Variants in ADK observed in about 807,000 individuals in gnomAD.
ADK encodes N6,N6-dimethyladenosine kinase.
Under a neutral mutation model 44.7 loss-of-function variants are expected in ADK, and 24 were observed. That is an observed-to-expected ratio of 0.54 (90% CI 0.39 to 0.76). The LOEUF (loss-of-function observed/expected upper bound fraction) is 0.76, where lower values mean the gene tolerates loss of function less well. Ranked by LOEUF, ADK falls within the 30% of genes least tolerant of loss-of-function variation. The pLI is 0.00. For missense variants in ADK, 321 were observed against 425.1 expected, an observed-to-expected ratio of 0.76 and a Z score of 2.15; for synonymous variants, 128 against 142.6, an observed-to-expected ratio of 0.90 and a Z score of 0.73.
intron 3 of ADK, among the ~76,000 whole-genome samples, chr10:74,241,242 C>G (rs550837823): frequency 6.6e-6 from 1 of 152,292 alleles, no homozygotes; most frequent in Admixed American, 6.5e-5. Context: ...TAGGTTCATT[C>G]ACAGCAAAAT....
chr10:74,193,324 T>C (rs1033614566), intron 1 of ADK, among the ~76,000 whole-genome samples: 22 of 152,170 alleles, frequency 1.4e-4, no homozygotes, highest in Admixed American at 1.4e-3. Context: ...TATGTATACA[T>C]GTGCCATGTT....
At chr10:74,396,605 TC>T (rs1843518144) in intron 5 of ADK, among the ~76,000 whole-genome samples, 1 of 152,186 alleles carries the variant, frequency 6.6e-6, no homozygotes, top group Non-Finnish European at 1.5e-5. Context: ...TCTTTCTTGA[TC>T]CAGGTTCTTC....
chr10:74,427,639 G>C (rs1037056689), intron 6 of ADK, among the ~76,000 whole-genome samples: 3 of 152,100 alleles, frequency 2.0e-5, no homozygotes, highest in Non-Finnish European at 2.9e-5. Flanking sequence ...AGAGGAATTG[G>C]ATTGGAGGTG....
At chr10:74,369,521 A>G (rs1453270593) in intron 4 of ADK, among the ~76,000 whole-genome samples, 2 of 152,230 alleles carry the variant, frequency 1.3e-5, no homozygotes, top group African/African-American at 4.8e-5. Flanking sequence ...TTCACCTAAA[A>G]TAATGATTAA....
chr10:74,266,393 C>A (rs1351482162), intron 3 of ADK, among the ~76,000 whole-genome samples: 1 of 152,038 alleles, frequency 6.6e-6, no homozygotes, highest in Non-Finnish European at 1.5e-5. Context: ...CCCGTCTCTA[C>A]TAAAAATACA....
At chr10:74,541,480 C>T (rs1332290123) in intron 7 of ADK, among the ~76,000 whole-genome samples, 5 of 152,136 alleles carry the variant, frequency 3.3e-5, no homozygotes, top group South Asian at 2.1e-4. Flanking sequence ...AATGGTTCTT[C>T]AGTCTTTGTC....
At chr10:74,323,797 C>T (rs1313641019) in intron 4 of ADK, among the ~76,000 whole-genome samples, 1 of 152,100 alleles carries the variant, frequency 6.6e-6, no homozygotes, top group African/African-American at 2.4e-5. Flanking sequence ...GTCTCTATCT[C>T]CTGACCTTGT....
At chr10:74,585,940 A>G (rs571162184) in intron 7 of ADK, among the ~76,000 whole-genome samples, 1 of 152,312 alleles carries the variant, frequency 6.6e-6, no homozygotes, top group East Asian at 1.9e-4. Context: ...TATCTCTGAT[A>G]TTTGGAACCT....
rs578139160 is a variant in ADK at position 74,346,166 on chromosome 10, A to G, written c.273+31421A>G. 2.6e-5 allele frequency among the ~76,000 whole-genome samples: 4 copies of G among 152,354 alleles called. No individual in the cohort carries two copies. In the East Asian group the frequency reaches 5.8e-4, roughly 22 times the overall value. On this transcript the variant is annotated intron_variant, in intron 4 of 10. Coordinates refer to ENST00000539909, the MANE Select transcript of ADK (RefSeq NM_006721.4). ...CTCAGCCTCCCAAAGTGCTGGAAGT[A>G]CAAGTATGAGCCACTGCGCCTGGCC...
At chr10:74,384,353 C>G (rs969021938) in intron 4 of ADK, among the ~76,000 whole-genome samples, 1 of 152,076 alleles carries the variant, frequency 6.6e-6, no homozygotes, top group Non-Finnish European at 1.5e-5. Context: ...AGGAATGATA[C>G]AGTTTGTTGC....
intron 2 of ADK, among the ~76,000 whole-genome samples, chr10:74,206,614 T>C (rs1306401513): frequency 6.6e-6 from 1 of 152,220 alleles, no homozygotes; most frequent in African/African-American, 2.4e-5. Context: ...ATTTATATGA[T>C]TAGCTTTCAC....
intron 4 of ADK, among the ~76,000 whole-genome samples, chr10:74,382,868 G>T (rs1196348101): frequency 6.6e-6 from 1 of 151,790 alleles, no homozygotes; most frequent in African/African-American, 2.4e-5. Flanking sequence ...GGCCTAGACC[G>T]TGTTAGTCAC....
chr10:74,708,153 G>A (rs1345522083), intron 10 of ADK, among the ~76,000 whole-genome samples, 168 bp from the exon 11 acceptor site: 48 of 132,698 alleles, frequency 3.6e-4, no homozygotes, highest in South Asian at 1.2e-3. Context: ...CCATCTCGGG[G>A]AAAAAAAAAA....
intron 3 of ADK, among the ~76,000 whole-genome samples, chr10:74,272,914 T>A (rs911027739): frequency 6.6e-6 from 1 of 152,226 alleles, no homozygotes. Context: ...GTCCTTATAC[T>A]GCAGATCCTC....
chr10:74,305,225 G>A (rs970432638), intron 3 of ADK, among the ~76,000 whole-genome samples: 1 of 152,172 alleles, frequency 6.6e-6, no homozygotes, highest in African/African-American at 2.4e-5. Context: ...ATCCATGGAT[G>A]TGGAACATAC....
At chr10:74,485,643 G>C (rs1047260933) in intron 6 of ADK, among the ~76,000 whole-genome samples, 4 of 151,988 alleles carry the variant, frequency 2.6e-5, no homozygotes, top group African/African-American at 9.7e-5. Flanking sequence ...CACACTTGAA[G>C]ATACAAATTC....
intron 6 of ADK, among the ~76,000 whole-genome samples, chr10:74,416,017 C>A (rs1844357029): frequency 7.9e-6 from 1 of 126,636 alleles, no homozygotes; most frequent in Admixed American, 9.0e-5. Flanking sequence ...TTTATATATA[C>A]ACACACATAC....
intron 7 of ADK, among the ~76,000 whole-genome samples, chr10:74,573,801 C>A (rs1433763992): frequency 1.3e-5 from 2 of 152,224 alleles, no homozygotes; most frequent in Admixed American, 1.3e-4. Flanking sequence ...GGCGTAGGAC[C>A]CTCCGAGCCA....
Position 74,222,121 on chromosome 10 carries a change from G to T in ADK, c.141-2417G>T, listed in dbSNP as rs994353956. ...TTTTGCAACCTACTCATCTGACAAA[G>T]GGCTAATATCCAGAATCTACAATGA... On this transcript the variant is annotated intron_variant, in intron 2 of 10. Transcript: ENST00000539909. Among the ~76,000 whole-genome samples the T allele has an allele frequency of 3.0e-3, 459 of 151,846 alleles. 4 individuals are homozygous for T. Among genetic ancestry groups the T allele is most frequent in the East Asian group, 6.9e-3 (36 of 5,182 alleles).
Sources: allele counts gnomAD v4.1 joint callset (sites outside exome capture counted in the v4.1 genomes callset), GRCh38; gene constraint gnomAD v4.1.1; transcripts MANE v1.5; gene names NCBI Gene and HGNC (gene_info 2026-07-23, HGNC 2026-07-21).